NIPAL4: variants seen among roughly 807,000 people sequenced by gnomAD.
NIPAL4 encodes the protein magnesium transporter NIPA4.
In NIPAL4, 21 loss-of-function variants were observed where a neutral mutation model predicts 31.6. The ratio of observed to expected loss-of-function variants is 0.67; its 90% CI spans 0.47 to 0.96. NIPAL4 has a LOEUF of 0.96. NIPAL4 is among the 40% of genes least tolerant of loss of function. The probability of loss-of-function intolerance (pLI) is 0.00; values close to 1 mark genes in which losing one functional copy is unlikely to be tolerated. For synonymous variants in NIPAL4, 175 were observed against 211.1 expected (o/e 0.83, Z 1.48); for missense variants, 438 against 508.0 (o/e 0.86, Z 1.32).
intron 4 of NIPAL4, among the ~76,000 whole-genome samples, chr5:157,470,352 A>G (rs917076549): frequency 6.6e-6 from 1 of 152,198 alleles, no homozygotes; most frequent in African/African-American, 2.4e-5. Flanking sequence ...CCAGAAATTG[A>G]AGACTCAGGG....
At chr5:157,464,848 G>A (rs1754210564) in intron 2 of NIPAL4, among the ~76,000 whole-genome samples, 1 of 152,066 alleles carries the variant, frequency 6.6e-6, no homozygotes, top group Admixed American at 6.5e-5. Context: ...ATTCAATTCT[G>A]GGCAAGAAAA....
At position 157,474,227 on chromosome 5, in the gene NIPAL4, G is replaced by A. The variant is rs931529401; in HGVS notation, c.*1267G>A. On this transcript the variant is annotated 3_prime_UTR_variant, in exon 6 of 6. Transcript: ENST00000311946. ...CTGTTCCAACACCACCTGCTATGGG[G>A]AGTACCTTTGGTCCCCTCACATTTG... 1.3e-5 allele frequency: 2 copies of A among 152,210 alleles called. No homozygotes were observed. Among genetic ancestry groups the A allele is most frequent in the African/African-American group, 4.8e-5 (2 of 41,432 alleles). 9.4% of individuals were successfully genotyped at this position (152,210 alleles called of 1,614,324 possible).
Position 157,468,830 on chromosome 5 carries a change from A to T in NIPAL4, c.425+18A>T. ...CTCATAAGGTTATTGTCCCCTCTCT[A>T]GCTCTCTCTTTTTCTATTCCGTTTT... is the stretch of plus-strand genomic sequence containing the variant. On this transcript the variant is annotated intron_variant, in intron 4 of 5. Transcript: ENST00000311946. 6.6e-7 allele frequency: 1 copy of T among 1,517,946 alleles called. No homozygotes were observed. Among genetic ancestry groups the T allele is most frequent in the Non-Finnish European group, 9.0e-7 (1 of 1,110,122 alleles). The allele number at this position is 1,517,946 out of a possible 1,614,324, so 94.0% of individuals were successfully genotyped here.
In NIPAL4 at chr5:157,472,725, G is replaced by A; in HGVS notation, c.980G>A (p.Gly327Asp). The change falls in exon 6 of 6, where the codon GGC (glycine) becomes GAC (aspartate). Residue 327 changes from glycine (G) to aspartate (D), a missense_variant. Transcript: ENST00000311946. Reference protein sequence around the residue: ...WYSMSAVDIAGTLSGFVTIIL... With the variant: ...WYSMSAVDIADTLSGFVTIIL... The stretch of plus-strand genomic sequence containing the variant: ...AGCATGTCTGCTGTGGACATTGCAG[G>A]CACCCTCTCGGGCTTTGTCACCATC... The A allele has an allele frequency of 1.2e-6, 2 of 1,613,902 alleles. No individual in the cohort carries two copies. The highest frequency in any genetic ancestry group is 1.7e-6 in the Non-Finnish European group (2 of 1,179,858).
chr5:157,465,598 C>A (rs890781566), intron 2 of NIPAL4, among the ~76,000 whole-genome samples: 3 of 152,136 alleles, frequency 2.0e-5, no homozygotes, highest in Non-Finnish European at 2.9e-5. Flanking sequence ...CAATTCCTGG[C>A]TTTGTGGAGC....
intron 2 of NIPAL4, among the ~76,000 whole-genome samples, chr5:157,466,586 C>T (rs1011303254): frequency 1.3e-5 from 2 of 152,196 alleles, no homozygotes; most frequent in African/African-American, 4.8e-5. Context: ...GGAGTGGACA[C>T]ATGCGAGATC....
At chr5:157,465,988 C>G (rs189375557) in intron 2 of NIPAL4, among the ~76,000 whole-genome samples, 88 of 151,114 alleles carry the variant, frequency 5.8e-4, no homozygotes, top group African/African-American at 2.0e-3. Flanking sequence ...GAGGGAGACC[C>G]TGCAGTGGAG....
chr5:157,472,507 G>C lies in NIPAL4; in HGVS notation c.762G>C (p.Gln254His), dbSNP rs756947566. The change falls in exon 6 of 6, where the codon CAG (glutamine) becomes CAC (histidine). Residue 254 changes from glutamine (Q) to histidine (H), a missense_variant. Coordinates refer to ENST00000311946, the MANE Select transcript of NIPAL4 (RefSeq NM_001099287.2). ...GCATCACCATCAAGAACTTCTTCCA[G>C]GGGCTGCCAGTTGTCCGGCACCCGC... ...GLGITIKNFF[Q>H]GLPVVRHPLP... The C allele has an allele frequency of 1.2e-6, 2 of 1,613,856 alleles. No individual in the cohort carries two copies. The highest frequency in any genetic ancestry group is 1.7e-6 in the Non-Finnish European group (2 of 1,179,866).
In NIPAL4 at chr5:157,463,268, G is replaced by A. The variant is rs562502610; in HGVS notation, c.212G>A (p.Gly71Asp). Residue 71 changes from glycine (G) to aspartate (D), a missense_variant, in exon 2 of 6, where the codon GGC (glycine) becomes GAC (aspartate). Transcript: ENST00000311946. Reference sequence around the variant, plus strand: ...GCATTCCTGTCTAGCTTCCTCATCGGCAGCAGCGTCATCCTCAAGAAGAAA... The same window carrying A: ...GCATTCCTGTCTAGCTTCCTCATCGACAGCAGCGTCATCCTCAAGAAGAAA... ...GLAFLSSFLIGSSVILKKKGL... is the reference protein window; with the variant it reads ...GLAFLSSFLIDSSVILKKKGL... 1 of 1,613,900 alleles carries A rather than the reference G, an allele frequency of 6.2e-7. No homozygotes were observed. Among genetic ancestry groups the A allele is most frequent in the Non-Finnish European group, 8.5e-7 (1 of 1,179,840 alleles).
intron 3 of NIPAL4, among the ~76,000 whole-genome samples, chr5:157,468,454 T>C (rs1274997968): frequency 1.3e-5 from 2 of 152,214 alleles, no homozygotes. Flanking sequence ...CCAAGAGGCC[T>C]AAAGAACAAG....
At chr5:157,460,609 AG>A in intron 1 of NIPAL4, 5 of 470,792 alleles carry the variant, frequency 1.1e-5, no homozygotes, top group Middle Eastern at 3.1e-4. Flanking sequence ...ATGGGGGGTT[AG>A]TGGGGGGCAG....
chr5:157,460,449 G>T, intron 1 of NIPAL4, 92 bp downstream of exon 1: 1 of 1,310,650 alleles, frequency 7.6e-7, no homozygotes, highest in Non-Finnish European at 1.1e-6. Context: ...CTCCTCCCAG[G>T]GGGGCCAAAG....
At chr5:157,469,609 T>C (rs1754369702) in intron 4 of NIPAL4, among the ~76,000 whole-genome samples, 1 of 152,156 alleles carries the variant, frequency 6.6e-6, no homozygotes, top group African/African-American at 2.4e-5. Context: ...GTTTTAAAAA[T>C]AATTGATACT....
chr5:157,463,686 G>A (rs1377858076), intron 2 of NIPAL4, among the ~76,000 whole-genome samples: 1 of 152,150 alleles, frequency 6.6e-6, no homozygotes, highest in Non-Finnish European at 1.5e-5. Flanking sequence ...GCAAGTCACA[G>A]CTTCTCTGCA....
rs939773510 is a variant in NIPAL4, at chr5:157,460,433, C to T, written c.37+76C>T. On this transcript the variant is annotated intron_variant, in intron 1 of 5. Coordinates refer to ENST00000311946, the MANE Select transcript of NIPAL4 (RefSeq NM_001099287.2). ...CCCTCCTTGCCACCGCTCTCCCTCG[C>T]ATCCTCTCCTCCCAGGGGGGCCAAA... is the stretch of plus-strand genomic sequence containing the variant. 9.3e-6 allele frequency: 13 copies of T among 1,391,942 alleles called. No individual in the cohort carries two copies. The South Asian group carries it at 1.6e-4, about 17-fold the overall frequency. The allele number at this position is 1,391,942 out of a possible 1,614,324, so 86.2% of individuals were successfully genotyped here. A position where few individuals can be genotyped will look rare whatever the true frequency, so the allele number is the denominator to read the frequency against.
At chr5:157,468,888 A>AG in intron 4 of NIPAL4, 76 bp downstream of exon 4, 1 of 984,804 alleles carries the variant, frequency 1.0e-6, no homozygotes, top group Non-Finnish European at 1.5e-6. Flanking sequence ...GCCAAGTGGG[A>AG]TCGACTGCCA....
At chr5:157,469,264 A>G (rs1386220038) in intron 4 of NIPAL4, among the ~76,000 whole-genome samples, 1 of 152,208 alleles carries the variant, frequency 6.6e-6, no homozygotes, top group Non-Finnish European at 1.5e-5. Flanking sequence ...TGGGGATGCC[A>G]ATAATACCCA....
chr5:157,464,304 T>G (rs1290982303), intron 2 of NIPAL4, among the ~76,000 whole-genome samples: 3 of 151,928 alleles, frequency 2.0e-5, no homozygotes, highest in Non-Finnish European at 4.4e-5. Flanking sequence ...GGGTGCATGG[T>G]GAGTGAAGGG....
In NIPAL4 at chr5:157,460,226, C is replaced by A; in HGVS notation, c.-95C>A. ...CCGGACCCCGGCGGCTTCTCGCGCG[C>A]GAGCCACGCGGGGGACAAGTCGCGG... On this transcript the variant is annotated 5_prime_UTR_variant, in exon 1 of 6. Coordinates refer to ENST00000311946, the MANE Select transcript of NIPAL4 (RefSeq NM_001099287.2). 2.0e-6 allele frequency: 3 copies of A among 1,497,448 alleles called. No homozygotes were observed. The highest frequency in any genetic ancestry group is 2.7e-6 in the Non-Finnish European group (3 of 1,126,674). 92.8% of individuals were successfully genotyped at this position (1,497,448 alleles called of 1,614,324 possible).
Sources: allele counts gnomAD v4.1 joint callset (sites outside exome capture counted in the v4.1 genomes callset), GRCh38; gene constraint gnomAD v4.1.1; transcripts MANE v1.5; gene names NCBI Gene and HGNC (gene_info 2026-07-23, HGNC 2026-07-21).